The following BRD10 variants were observed in gnomAD, a reference collection of about 807,000 sequenced individuals.
BRD10 encodes bromodomain containing 10, also known as uncharacterized bromodomain-containing protein 10.
At chr9:6,007,810 C>A in the BRD10 span, 1 of 1,447,008 alleles carries the variant, frequency 6.9e-7, no homozygotes, top group Non-Finnish European at 9.0e-7. Context: ...CTAGGCTGGG[C>A]GGTGTGGAAC....
the BRD10 span, among the ~76,000 whole-genome samples, chr9:5,900,281 T>C: frequency 6.6e-6 from 1 of 152,212 alleles, no homozygotes; most frequent in East Asian, 1.9e-4. Flanking sequence ...TCCATTCCTC[T>C]AGGATTAGAT....
the BRD10 span, chr9:5,924,901 C>G: frequency 8.1e-7 from 1 of 1,227,980 alleles, no homozygotes; most frequent in African/African-American, 1.5e-5. Context: ...TTCTTGGAAT[C>G]TAAACTAACT....
At chr9:5,968,960 T>G in the BRD10 span, 1 of 1,610,834 alleles carries the variant, frequency 6.2e-7, no homozygotes. Context: ...CACTTTTTGG[T>G]AAAAAGGTAG....
At chr9:5,913,455 T>C in the BRD10 span, among the ~76,000 whole-genome samples, 2 of 152,144 alleles carry the variant, frequency 1.3e-5, no homozygotes, top group Non-Finnish European at 2.9e-5. Flanking sequence ...AAGGAAATAA[T>C]GGGTTGTTTG....
the BRD10 span, chr9:5,921,196 T>A: frequency 6.2e-7 from 1 of 1,613,934 alleles, no homozygotes; most frequent in Non-Finnish European, 8.5e-7. Context: ...GGGTTACATT[T>A]TGTAATATGT....
the BRD10 span, among the ~76,000 whole-genome samples, chr9:5,950,882 T>C: frequency 6.6e-6 from 1 of 152,158 alleles, no homozygotes; most frequent in African/African-American, 2.4e-5. Flanking sequence ...TACAATATAG[T>C]TGTGATATAA....
At chr9:5,896,649 G>T in the BRD10 span, among the ~76,000 whole-genome samples, 1 of 152,172 alleles carries the variant, frequency 6.6e-6, no homozygotes, top group African/African-American at 2.4e-5. Flanking sequence ...CAGTTCTGTC[G>T]ATTTTGATCA....
the BRD10 span, among the ~76,000 whole-genome samples, chr9:5,975,936 A>T: frequency 6.6e-6 from 1 of 152,226 alleles, no homozygotes; most frequent in South Asian, 2.1e-4. Context: ...CAAAATTAAG[A>T]AGAGGAACAG....
At chr9:6,004,960 TTTAA>T in the BRD10 span, among the ~76,000 whole-genome samples, 2 of 152,218 alleles carry the variant, frequency 1.3e-5, no homozygotes, top group African/African-American at 2.4e-5. Flanking sequence ...GGACTCCAAC[TTTAA>T]TTAACTATTT....
the BRD10 span, chr9:5,910,249 T>G: frequency 6.6e-6 from 1 of 152,218 alleles, no homozygotes; most frequent in East Asian, 1.9e-4. Flanking sequence ...AAAATCATCT[T>G]GTCTCATCAG....
At chr9:5,949,693 G>A in the BRD10 span, among the ~76,000 whole-genome samples, 18 of 152,098 alleles carry the variant, frequency 1.2e-4, no homozygotes, top group African/African-American at 4.3e-4. Flanking sequence ...GGTAACTAAG[G>A]CTGTTAAATT....
the BRD10 span, among the ~76,000 whole-genome samples, chr9:5,928,784 T>C: frequency 6.6e-6 from 1 of 152,308 alleles, no homozygotes; most frequent in East Asian, 1.9e-4. Flanking sequence ...TTGCTTTATT[T>C]TTCTTCACAG....
At chr9:5,944,345 A>G in the BRD10 span, among the ~76,000 whole-genome samples, 1 of 152,252 alleles carries the variant, frequency 6.6e-6, no homozygotes, top group African/African-American at 2.4e-5. Flanking sequence ...TTAGAAAATG[A>G]AAGTAAAGAT....
At chr9:5,965,545 T>C in the BRD10 span, among the ~76,000 whole-genome samples, 2 of 152,228 alleles carry the variant, frequency 1.3e-5, no homozygotes, top group Admixed American at 6.5e-5. Context: ...CAGTAGAGAT[T>C]ATATGTTTGA....
At chr9:6,007,973 G>A in the BRD10 span, 4 of 1,291,300 alleles carry the variant, frequency 3.1e-6, no homozygotes, top group East Asian at 6.4e-5. Context: ...CCGGCGGGGC[G>A]GGGTTACATG....
At chr9:5,945,499 T>C in the BRD10 span, among the ~76,000 whole-genome samples, 1 of 152,154 alleles carries the variant, frequency 6.6e-6, no homozygotes, top group Non-Finnish European at 1.5e-5. Context: ...GAAGTACACA[T>C]TCTTAATATC....
the BRD10 span, among the ~76,000 whole-genome samples, chr9:5,900,833 T>C: frequency 6.6e-6 from 1 of 152,242 alleles, no homozygotes; most frequent in Non-Finnish European, 1.5e-5. Flanking sequence ...TTTTACATCT[T>C]CACTTGGAAG....
At chr9:5,981,566 T>C in the BRD10 span, among the ~76,000 whole-genome samples, 80 of 149,474 alleles carry the variant, frequency 5.4e-4, no homozygotes, top group Middle Eastern at 3.4e-3. Flanking sequence ...TCTATCTATC[T>C]ATCCATCCAT....
the BRD10 span, among the ~76,000 whole-genome samples, chr9:5,905,506 AT>A: frequency 5.1e-4 from 78 of 151,942 alleles, no homozygotes; most frequent in African/African-American, 1.7e-3. Flanking sequence ...CCATAAAAAA[AT>A]TTTTTTTTAA....
Sources: allele counts gnomAD v4.1 joint callset (sites outside exome capture counted in the v4.1 genomes callset), GRCh38; gene constraint gnomAD v4.1.1; transcripts MANE v1.5; gene names NCBI Gene and HGNC (gene_info 2026-07-23, HGNC 2026-07-21).